Variants in HIP1R observed in about 807,000 individuals in gnomAD.
The protein encoded by HIP1R is huntingtin-interacting protein 1-related protein.
A neutral mutation model predicts 144.2 loss-of-function variants in HIP1R; 135 were observed. That is an observed-to-expected ratio of 0.94 (90% CI 0.81 to 1.08). The LOEUF (loss-of-function observed/expected upper bound fraction) is 1.08, where lower values mean the gene tolerates loss of function less well. HIP1R is among the 50% of genes least tolerant of loss of function. The pLI, the probability that HIP1R is intolerant of heterozygous loss-of-function variation, is 0.00. For missense variants in HIP1R, 1,462 were observed against 1,432.8 expected (o/e 1.02, Z -0.33); for synonymous variants, 698 against 612.8 (o/e 1.14, Z -2.05).
At chr12:122,859,655 A>G in intron 23 of HIP1R, 117 bp from the exon 24 acceptor site, 6 of 1,388,070 alleles carry the variant, frequency 4.3e-6, no homozygotes, top group Non-Finnish European at 6.0e-6. Context: ...CAGAGGACAG[A>G]TGGCGTTTTC....
intron 31 of HIP1R, 35 bp downstream of exon 31, chr12:122,861,549 C>G: frequency 6.3e-7 from 1 of 1,591,678 alleles, no homozygotes; most frequent in South Asian, 1.1e-5. Flanking sequence ...AGTTCCTGGA[C>G]GGGGGTGCTG....
intron 4 of HIP1R, 146 bp from the exon 5 acceptor site, chr12:122,849,729 C>T (rs991869477): frequency 3.2e-6 from 2 of 617,564 alleles, no homozygotes; most frequent in Non-Finnish European, 5.9e-6. Flanking sequence ...AAGCTAGAGA[C>T]AGAGAGGGTG....
At position 122,861,398 on chromosome 12, in the gene HIP1R, T is replaced by C. The variant is rs753115161; in HGVS notation, c.3043T>C (p.Ser1015Pro). 1 of 1,613,346 alleles carries C rather than the reference T, an allele frequency of 6.2e-7. No individual in the cohort carries two copies. The highest frequency in any genetic ancestry group is 8.5e-7 in the Non-Finnish European group (1 of 1,179,852). The change falls in exon 31 of 32, where the codon TCA becomes CCA. Residue 1015 changes from serine to proline, a missense_variant. Ser to Pro is a moderately conservative substitution (Grantham distance 74). This residue lies in a region of HIP1R where 1,112 missense variants were observed against 1,011.7 expected (regional missense o/e 1.10). Transcript: ENST00000253083. ...GCAACACTACGTGCTGGCTGGGGCA[T>C]CAGGCAGCCCTGGAGAGGAGGTGGC... is the stretch of plus-strand genomic sequence containing the variant. Reference protein sequence around the residue: ...RKQHYVLAGASGSPGEEVAIR... With the variant: ...RKQHYVLAGAPGSPGEEVAIR...
Position 122,840,343 on chromosome 12 carries a change from G to A in HIP1R, c.93+4700G>A, listed in dbSNP as rs916940230. On this transcript the variant is annotated intron_variant, in intron 1 of 31. Coordinates refer to ENST00000253083, the MANE Select transcript of HIP1R (RefSeq NM_003959.3). This position sits in a 1 kb window ranked among gnomAD's most constrained non-coding sequence, Gnocchi z 4.2. ...TTTGGGGTGTGCCCCAGGAAGGTCC[G>A]AGTCATCTTTGTACCCTCTAAGAGG... Among the ~76,000 whole-genome samples, 7 of 152,200 alleles carry A rather than the reference G, an allele frequency of 4.6e-5. No homozygotes were observed. The highest frequency in any genetic ancestry group is 7.3e-5 in the Non-Finnish European group (5 of 68,034).
In HIP1R at chr12:122,854,919, A is replaced by G; in HGVS notation, c.733A>G (p.Thr245Ala). The change falls in exon 9 of 32, where the codon ACC becomes GCC. Residue 245 changes from threonine (T) to alanine (A), a missense_variant. By Grantham distance (58) the Thr-to-Ala change is moderately conservative (BLOSUM62 0). Coordinates refer to ENST00000253083, the MANE Select transcript of HIP1R (RefSeq NM_003959.3). ...FKLHSCLPAD[T>A]LQGHRDRFHE... Reference sequence around the variant, plus strand: ...CCACCCTCCAGGTCTCCCTGCGGACACCCTGCAAGGCCACAGGGACCGGTT... The same window carrying G: ...CCACCCTCCAGGTCTCCCTGCGGACGCCCTGCAAGGCCACAGGGACCGGTT... The G allele has an allele frequency of 6.2e-7, 1 of 1,612,836 alleles. No individual in the cohort carries two copies. The highest frequency in any genetic ancestry group is 8.5e-7 in the Non-Finnish European group (1 of 1,179,626).
chr12:122,861,869 C>G lies in HIP1R; in HGVS notation c.*116C>G. The G allele has an allele frequency of 2.1e-6, 2 of 935,562 alleles. No homozygotes were observed. Among genetic ancestry groups the G allele is most frequent in the Non-Finnish European group, 3.3e-6 (2 of 609,132 alleles). 58.0% of individuals were successfully genotyped at this position (935,562 alleles called of 1,614,324 possible). On this transcript the variant is annotated 3_prime_UTR_variant, in exon 32 of 32. Transcript: ENST00000253083. ...GTGCCCAAGCCTCCCGCCCCACCGT[C>G]TGGATCAATGTCCTCAAGGCCCCTG...
At chr12:122,860,556 C>T (rs1462304250) in intron 27 of HIP1R, 33 bp downstream of exon 27, 3 of 1,587,742 alleles carry the variant, frequency 1.9e-6, no homozygotes, top group South Asian at 2.2e-5. Flanking sequence ...GGGCAGGGGG[C>T]TGCTTCCTGC....
In HIP1R at chr12:122,836,533, T is replaced by C. The variant is rs1417819539; in HGVS notation, c.93+890T>C. On this transcript the variant is annotated intron_variant, in intron 1 of 31. Transcript: ENST00000253083. The surrounding 1 kb of genome is among the most constrained non-coding windows in gnomAD (Gnocchi z 4.1). ...CTGTTGCTTTTTATTTTACAAACTCTTGAAGTGCTCTCAGGCTTGGGGGAT... is the reference window on the plus strand; with the variant it reads ...CTGTTGCTTTTTATTTTACAAACTCCTGAAGTGCTCTCAGGCTTGGGGGAT... 6.6e-6 allele frequency among the ~76,000 whole-genome samples: 1 copy of C among 152,164 alleles called. No homozygotes were observed. Among genetic ancestry groups the C allele is most frequent in the Non-Finnish European group, 1.5e-5 (1 of 68,034 alleles).
intron 22 of HIP1R, 65 bp downstream of exon 22, chr12:122,859,262 T>C: frequency 6.5e-7 from 1 of 1,531,998 alleles, no homozygotes; most frequent in Non-Finnish European, 8.8e-7. Flanking sequence ...CACCCACCTC[T>C]GGGTTGGCTG....
intron 2 of HIP1R, 85 bp downstream of exon 2, chr12:122,848,179 G>A: frequency 7.0e-7 from 1 of 1,435,858 alleles, no homozygotes; most frequent in Non-Finnish European, 9.7e-7. Flanking sequence ...GGTCAGCTGT[G>A]CCGGGGTCAC....
rs1269331177 is a variant in HIP1R at position 122,861,982 on chromosome 12, G to A, written c.*229G>A. 1 of 528,926 alleles carries A rather than the reference G, an allele frequency of 1.9e-6. No homozygotes were observed. Among genetic ancestry groups the A allele is most frequent in the Non-Finnish European group, 3.3e-6 (1 of 299,930 alleles). The allele number at this position is 528,926 out of a possible 1,614,324, so 32.8% of individuals were successfully genotyped here. ...ATTTATCTGCAGAAGGAACTTTGGG[G>A]TGCAGCCAGGACCCGGTAGGCCTGA... is the stretch of plus-strand genomic sequence containing the variant. On this transcript the variant is annotated 3_prime_UTR_variant, in exon 32 of 32. Coordinates refer to ENST00000253083, the MANE Select transcript of HIP1R (RefSeq NM_003959.3).
At chr12:122,856,594 A>G in intron 16 of HIP1R, 31 bp from the exon 17 acceptor site, 2 of 1,599,094 alleles carry the variant, frequency 1.3e-6, no homozygotes, top group Non-Finnish European at 1.7e-6. Context: ...TCCCCAGCCC[A>G]CTGCCCCAGT....
At chr12:122,851,824 CTT>C (rs1326660446) in intron 7 of HIP1R, among the ~76,000 whole-genome samples, 2 of 152,366 alleles carry the variant, frequency 1.3e-5, no homozygotes, top group African/African-American at 4.8e-5. Flanking sequence ...TCAGCCATCT[CTT>C]CCATCCAGTG....
At chr12:122,841,300 C>T (rs913733027) in intron 1 of HIP1R, among the ~76,000 whole-genome samples, 4 of 152,232 alleles carry the variant, frequency 2.6e-5, no homozygotes, top group African/African-American at 7.2e-5. Flanking sequence ...CCCAGCAGAG[C>T]GGGAGGAAGC....
rs2033697955 is a variant in HIP1R, at chr12:122,859,469, G to T, written c.2339G>T (p.Gly780Val). The T allele has an allele frequency of 1.9e-6, 3 of 1,613,572 alleles. No homozygotes were observed. The East Asian group carries it at 6.7e-5, about 36-fold the overall frequency. The stretch of plus-strand genomic sequence containing the variant: ...CTAGATGTGCGGCAGGAGGAGCTGG[G>T]GGCCGTGGTCGACAAGGAGATGGCG... ...KSLDVRQEEL[G>V]AVVDKEMAAT... The change falls in exon 23 of 32, where the codon GGG becomes GTG. Residue 780 changes from glycine to valine, a missense_variant. Physicochemically the swap from Gly to Val is moderately radical, Grantham distance 109. Around this residue, in one of 2 missense-constraint regions of HIP1R, gnomAD observed 1,112 missense variants for 1,011.7 expected, o/e 1.10. Transcript: ENST00000253083.
At chr12:122,846,883 A>T (rs2033225308) in intron 1 of HIP1R, among the ~76,000 whole-genome samples, 1 of 152,150 alleles carries the variant, frequency 6.6e-6, no homozygotes, top group South Asian at 2.1e-4. Context: ...AGTAGACCCT[A>T]ATTGGATGTC....
At chr12:122,860,106 C>A in intron 25 of HIP1R, 29 bp downstream of exon 25, 1 of 1,582,842 alleles carries the variant, frequency 6.3e-7, no homozygotes. Flanking sequence ...GGGGGGTCTG[C>A]ACCTGGAGGG....
At position 122,861,756 on chromosome 12, in the gene HIP1R, C is replaced by G; in HGVS notation, c.*3C>G. ...CAGCTCAACTCGTGAACTACTAGGC[C>G]CCCCAGGGGTCCAGCAGGGTGGCTG... On this transcript the variant is annotated 3_prime_UTR_variant, in exon 32 of 32. Transcript: ENST00000253083. 2 of 1,613,902 alleles carry G rather than the reference C, an allele frequency of 1.2e-6. No homozygotes were observed. Among genetic ancestry groups the G allele is most frequent in the African/African-American group, 1.3e-5 (1 of 75,056 alleles).
chr12:122,840,428 G>A lies in HIP1R; in HGVS notation c.93+4785G>A, dbSNP rs1221734982. Among the ~76,000 whole-genome samples the A allele has an allele frequency of 6.6e-6, 1 of 152,248 alleles. No individual in the cohort carries two copies. The highest frequency in any genetic ancestry group is 2.4e-5 in the African/African-American group (1 of 41,458). On this transcript the variant is annotated intron_variant, in intron 1 of 31. Coordinates refer to ENST00000253083, the MANE Select transcript of HIP1R (RefSeq NM_003959.3). This position sits in a 1 kb window ranked among gnomAD's most constrained non-coding sequence, Gnocchi z 4.2. ...GTAGGGCAGTCAAGAGCAAGCTCCA[G>A]GTTCAGCCCCTGGCTCTGTCCCTTC...
Sources: allele counts gnomAD v4.1 joint callset (sites outside exome capture counted in the v4.1 genomes callset), GRCh38; gene constraint gnomAD v4.1.1; regional missense constraint gnomAD v4.1.1; non-coding constraint Gnocchi (gnomAD v3.1); transcripts MANE v1.5; gene names NCBI Gene and HGNC (gene_info 2026-07-23, HGNC 2026-07-21).